PAAF1: variants seen among roughly 807,000 people sequenced by gnomAD.
PAAF1 encodes proteasomal ATPase-associated factor 1.
In PAAF1, 46 loss-of-function variants were observed where a neutral mutation model predicts 52.8. That is an observed-to-expected ratio of 0.87 (90% CI 0.69 to 1.11). PAAF1 has a LOEUF of 1.11. Ranked by LOEUF, PAAF1 falls within the 50% of genes most tolerant of loss-of-function variation. PAAF1 has a pLI of 0.00. For missense variants in PAAF1, 424 were observed against 477.4 expected, an observed-to-expected ratio of 0.89 and a Z score of 1.04; for synonymous variants, 178 against 172.8, an observed-to-expected ratio of 1.03 and a Z score of -0.24.
At chr11:73,882,389 A>C (rs111853342) in intron 2 of PAAF1, among the ~76,000 whole-genome samples, 3,491 of 150,778 alleles carry the variant, frequency 0.023, 140 homozygotes, top group African/African-American at 0.08. Context: ...TCAACTCTTA[A>C]GGAGGAGGGT....
At chr11:73,897,324 C>T (rs1422045854) in intron 4 of PAAF1, among the ~76,000 whole-genome samples, 8 of 151,808 alleles carry the variant, frequency 5.3e-5, no homozygotes, top group Admixed American at 2.6e-4. Flanking sequence ...GGCTGCCAGG[C>T]GGAGACGCTC....
intron 6 of PAAF1, among the ~76,000 whole-genome samples, chr11:73,906,184 G>A (rs1949746899): frequency 6.6e-6 from 1 of 152,140 alleles, no homozygotes; most frequent in South Asian, 2.1e-4. Context: ...ATATCCAGTG[G>A]GTATATAGCT....
At chr11:73,916,524 T>G (rs1282113474) in intron 8 of PAAF1, 21 bp from the exon 9 acceptor site, 1 of 1,529,702 alleles carries the variant, frequency 6.5e-7, no homozygotes, top group Admixed American at 1.8e-5. Flanking sequence ...AACAGCATTT[T>G]TGCCTCCTAC....
intron 2 of PAAF1, among the ~76,000 whole-genome samples, chr11:73,881,575 A>T (rs1948909389): frequency 6.6e-6 from 1 of 152,174 alleles, no homozygotes; most frequent in Non-Finnish European, 1.5e-5. Flanking sequence ...GGTGTGAGCC[A>T]CTGCCCCCGG....
chr11:73,917,030 T>G (rs991465904), intron 9 of PAAF1, among the ~76,000 whole-genome samples: 1 of 152,158 alleles, frequency 6.6e-6, no homozygotes, highest in Non-Finnish European at 1.5e-5. Context: ...ATTTATTTAT[T>G]TATTTTTTGA....
At chr11:73,912,044 T>C (rs978492452) in intron 7 of PAAF1, among the ~76,000 whole-genome samples, 2 of 152,156 alleles carry the variant, frequency 1.3e-5, no homozygotes, top group Non-Finnish European at 2.9e-5. Context: ...TTTTTTTTCA[T>C]GGCTTCTGTG....
At chr11:73,894,092 T>C (rs1949280408) in intron 4 of PAAF1, among the ~76,000 whole-genome samples, 2 of 152,106 alleles carry the variant, frequency 1.3e-5, no homozygotes, top group South Asian at 4.2e-4. Context: ...TATAAGCCAC[T>C]GTGCCTGGCC....
intron 8 of PAAF1, among the ~76,000 whole-genome samples, 155 bp downstream of exon 8, chr11:73,914,659 GT>G (rs1200014120): frequency 1.3e-5 from 2 of 150,994 alleles, no homozygotes; most frequent in Admixed American, 1.3e-4. Context: ...ATTAAGAGTT[GT>G]GGGATTTGGA....
At chr11:73,899,077 A>G (rs2135171398) in intron 4 of PAAF1, 69 bp from the exon 5 acceptor site, 1 of 1,272,968 alleles carries the variant, frequency 7.9e-7, no homozygotes, top group East Asian at 2.4e-5. Flanking sequence ...AGGGAAGTTT[A>G]TAACATATTT....
At position 73,919,440 on chromosome 11, in the gene PAAF1, C is replaced by T. The variant is rs527984762; in HGVS notation, c.1018+408C>T. Among the ~76,000 whole-genome samples, 6 of 152,230 alleles carry T rather than the reference C, an allele frequency of 3.9e-5. No homozygotes were observed. The East Asian group carries it at 9.7e-4, about 24-fold the overall frequency. The stretch of plus-strand genomic sequence containing the variant: ...CTGTCAGCAAGGTCTTCGTGAACTA[C>T]GTGACATGTAAACTGATAAAGATTT... On this transcript the variant is annotated intron_variant, in intron 10 of 11. Transcript: ENST00000310571.
intron 2 of PAAF1, among the ~76,000 whole-genome samples, chr11:73,884,778 A>G (rs527613308): frequency 5.3e-5 from 8 of 152,216 alleles, no homozygotes; most frequent in African/African-American, 1.9e-4. Flanking sequence ...TTATCCCTCA[A>G]CTATCATTTC....
At chr11:73,919,441 G>A (rs1361147549) in intron 10 of PAAF1, among the ~76,000 whole-genome samples, 2 of 152,182 alleles carry the variant, frequency 1.3e-5, no homozygotes, top group Non-Finnish European at 2.9e-5. Flanking sequence ...CGTGAACTAC[G>A]TGACATGTAA....
At chr11:73,924,494 T>C in intron 10 of PAAF1, 121 bp from the exon 11 acceptor site, 1 of 775,980 alleles carries the variant, frequency 1.3e-6, no homozygotes. Flanking sequence ...TATTTGCCAT[T>C]CTGGGTCTTT....
At chr11:73,889,236 G>T in intron 3 of PAAF1, 2 of 1,440,244 alleles carry the variant, frequency 1.4e-6, no homozygotes, top group Non-Finnish European at 9.1e-7. Context: ...CTGCTGAGTG[G>T]GTTCAGACAG....
chr11:73,900,537 A>G (rs1949569220), intron 6 of PAAF1, 117 bp downstream of exon 6: 1 of 1,201,632 alleles, frequency 8.3e-7, no homozygotes, highest in Non-Finnish European at 1.1e-6. Context: ...CCAGCTGGGC[A>G]TTTAGATGAG....
intron 7 of PAAF1, among the ~76,000 whole-genome samples, chr11:73,912,794 C>T (rs1325891217): frequency 6.6e-6 from 1 of 152,192 alleles, no homozygotes; most frequent in East Asian, 1.9e-4. Flanking sequence ...GTCATACCAC[C>T]CTCTGCCATG....
At chr11:73,910,221 C>T (rs146294518) in intron 7 of PAAF1, among the ~76,000 whole-genome samples, 4 of 152,238 alleles carry the variant, frequency 2.6e-5, no homozygotes, top group African/African-American at 9.6e-5. Flanking sequence ...CCATGCCTGG[C>T]AAATTAGCAA....
intron 7 of PAAF1, among the ~76,000 whole-genome samples, chr11:73,911,774 C>T (rs1281204649): frequency 2.0e-5 from 3 of 151,954 alleles, no homozygotes; most frequent in Admixed American, 6.6e-5. Context: ...GCTGGGATTA[C>T]GGGTGCCCAC....
intron 6 of PAAF1, among the ~76,000 whole-genome samples, chr11:73,903,438 C>T (rs1251562551): frequency 4.6e-5 from 7 of 152,268 alleles, no homozygotes; most frequent in South Asian, 2.1e-4. Context: ...AATCTTGGTC[C>T]GGGCACTGTG....
Sources: gnomAD v4.1 joint callset for allele counts (sites outside exome capture counted in the v4.1 genomes callset) on GRCh38, gnomAD v4.1.1 for gene constraint, MANE v1.5 for transcripts, NCBI Gene and HGNC (gene_info 2026-07-23, HGNC 2026-07-21) for gene names.